Variants in KCNN3 observed in about 807,000 individuals in gnomAD.
KCNN3 encodes potassium calcium-activated channel subfamily N member 3, also known as small conductance calcium-activated potassium channel protein 3.
In KCNN3, 16 loss-of-function variants were observed where a neutral mutation model predicts 62.9. The ratio of observed to expected loss-of-function variants is 0.25; its 90% CI spans 0.17 to 0.39. KCNN3 has a LOEUF of 0.39. KCNN3 is among the 10% of genes least tolerant of loss of function. The pLI is 1.00. For synonymous variants in KCNN3, 370 were observed against 389.2 expected (o/e 0.95, Z 0.58); for missense variants, 599 against 949.4 (o/e 0.63, Z 4.85).
chr1:154,743,205 T>C (rs28588948), intron 3 of KCNN3, among the ~76,000 whole-genome samples: 1 of 148,738 alleles, frequency 6.7e-6, no homozygotes, highest in African/African-American at 2.5e-5. Context: ...TCCAGTCCCA[T>C]CCTCTTACCT....
In KCNN3 at chr1:154,870,060, C is replaced by A; in HGVS notation, c.-96G>T. ...TCAAAGAAAGCCAGGCATCCAATCT[C>A]CCCCACCAGTATCTTGGCTCCAGTC... is the stretch of plus-strand genomic sequence containing the variant. On this transcript the variant is annotated 5_prime_UTR_variant, in exon 1 of 8. Coordinates refer to ENST00000271915, the MANE Select transcript of KCNN3 (RefSeq NM_002249.6). 1 of 1,378,288 alleles carries A rather than the reference C, an allele frequency of 7.3e-7. No homozygotes were observed. Among genetic ancestry groups the A allele is most frequent in the Non-Finnish European group, 1.0e-6 (1 of 988,758 alleles). 85.4% of individuals were successfully genotyped at this position (1,378,288 alleles called of 1,614,324 possible). A position where few individuals can be genotyped will look rare whatever the true frequency, so the allele number is the denominator to read the frequency against.
intron 1 of KCNN3, among the ~76,000 whole-genome samples, chr1:154,838,751 G>A (rs1481489207): frequency 2.6e-5 from 4 of 152,178 alleles, no homozygotes; most frequent in Non-Finnish European, 5.9e-5. Flanking sequence ...AGTGCGTTGA[G>A]CATCTGCTTA....
At chr1:154,866,405 G>A (rs373270114) in intron 1 of KCNN3, among the ~76,000 whole-genome samples, 6 of 152,180 alleles carry the variant, frequency 3.9e-5, no homozygotes, top group East Asian at 1.9e-4. Context: ...CTCCCTACTC[G>A]ACAGCTGGGG....
In KCNN3 at chr1:154,703,635, T is replaced by C. The variant is rs1174133954; in HGVS notation, c.*4341A>G. On this transcript the variant is annotated 3_prime_UTR_variant, in exon 8 of 8. Coordinates refer to ENST00000271915, the MANE Select transcript of KCNN3 (RefSeq NM_002249.6). ...ACACCGTTTGTCCTGGGATGAAACA[T>C]TGATTCTTAATTTGGAGTGTACTGT... 6.6e-6 allele frequency: 1 copy of C among 152,182 alleles called. No homozygotes were observed. Among genetic ancestry groups the C allele is most frequent in the Non-Finnish European group, 1.5e-5 (1 of 68,032 alleles). 9.4% of individuals were successfully genotyped at this position (152,182 alleles called of 1,614,324 possible).
chr1:154,830,603 G>A (rs1018951787), intron 1 of KCNN3, among the ~76,000 whole-genome samples: 15 of 152,188 alleles, frequency 9.9e-5, no homozygotes, highest in African/African-American at 1.7e-4. Flanking sequence ...CAGTGGTCTC[G>A]ACACAAAACT....
At chr1:154,867,338 G>T (rs1385019009) in intron 1 of KCNN3, among the ~76,000 whole-genome samples, 1 of 152,212 alleles carries the variant, frequency 6.6e-6, no homozygotes, top group Non-Finnish European at 1.5e-5. Context: ...AACCCCACTC[G>T]CTTCTGCTCG....
chr1:154,743,235 A>G (rs1700863943), intron 3 of KCNN3, among the ~76,000 whole-genome samples: 1 of 150,772 alleles, frequency 6.6e-6, no homozygotes, highest in Non-Finnish European at 1.5e-5. Context: ...CCACCCTCTC[A>G]CCTGGATCAG....
At chr1:154,791,684 G>T (rs750536498) in intron 2 of KCNN3, among the ~76,000 whole-genome samples, 5 of 152,198 alleles carry the variant, frequency 3.3e-5, no homozygotes, top group Non-Finnish European at 7.3e-5. Context: ...ATAGCTTGAA[G>T]CCCTGTCCAA....
intron 2 of KCNN3, among the ~76,000 whole-genome samples, chr1:154,806,021 T>C (rs993172638): frequency 6.6e-6 from 1 of 152,214 alleles, no homozygotes; most frequent in Admixed American, 6.5e-5. Flanking sequence ...TGATGTGATG[T>C]GAGGCTTCCT....
chr1:154,849,523 C>T (rs889340826), intron 1 of KCNN3, among the ~76,000 whole-genome samples: 1 of 152,212 alleles, frequency 6.6e-6, no homozygotes, highest in East Asian at 1.9e-4. Flanking sequence ...ACACCACTGC[C>T]CCACTCAAGA....
chr1:154,856,967 C>T (rs74116206), intron 1 of KCNN3, among the ~76,000 whole-genome samples: 1,562 of 152,186 alleles, frequency 0.01, 25 homozygotes, highest in African/African-American at 0.033. Context: ...CGTGGGACAC[C>T]AAGTCTCAGG....
intron 5 of KCNN3, among the ~76,000 whole-genome samples, chr1:154,725,516 G>T (rs1024300814): frequency 4.0e-5 from 6 of 150,094 alleles, no homozygotes; most frequent in African/African-American, 1.5e-4. Context: ...AAACCCATAC[G>T]ACATGACCAT....
intron 1 of KCNN3, among the ~76,000 whole-genome samples, chr1:154,855,708 CTG>C (rs1180929752): frequency 1.3e-5 from 2 of 152,218 alleles, no homozygotes; most frequent in African/African-American, 4.8e-5. Context: ...CAACGCATGA[CTG>C]TATATCTGTG....
chr1:154,776,100 C>G (rs1296438189), intron 2 of KCNN3, among the ~76,000 whole-genome samples: 2 of 152,162 alleles, frequency 1.3e-5, no homozygotes, highest in Non-Finnish European at 2.9e-5. Flanking sequence ...AGGTGCCCCG[C>G]CTTGGTTGTG....
At chr1:154,756,037 AAGG>A (rs143102625) in intron 3 of KCNN3, among the ~76,000 whole-genome samples, 34,397 of 95,634 alleles carry the variant, frequency 0.36, 7,452 homozygotes, top group East Asian at 0.56. Flanking sequence ...CGATGATGAA[AAGG>A]AGGAGGAGGA....
intron 1 of KCNN3, among the ~76,000 whole-genome samples, chr1:154,838,001 G>A (rs924780145): frequency 6.6e-6 from 1 of 152,190 alleles, no homozygotes. Context: ...CCTGAATTAC[G>A]AGGGCAGGAG....
chr1:154,834,230 C>T (rs1164742092), intron 1 of KCNN3, among the ~76,000 whole-genome samples: 2 of 152,196 alleles, frequency 1.3e-5, no homozygotes, highest in Non-Finnish European at 2.9e-5. Context: ...CAATGGGGCA[C>T]GACACGAGCC....
intron 1 of KCNN3, among the ~76,000 whole-genome samples, chr1:154,861,461 C>T: frequency 6.6e-6 from 1 of 152,124 alleles, no homozygotes; most frequent in East Asian, 1.9e-4. Flanking sequence ...CCCTACATGC[C>T]CCTGTGTGCA....
Position 154,786,470 on chromosome 1 carries a change from A to G in KCNN3, c.1030-14077T>C, listed in dbSNP as rs923220440. ...TGGGGAACATTATGTAGCTGTTTTT[A>G]AAAATGAAGTGGATCTATATGTATT... On this transcript the variant is annotated intron_variant, in intron 2 of 7. Transcript: ENST00000271915. Among the ~76,000 whole-genome samples the G allele has an allele frequency of 1.1e-4, 16 of 152,378 alleles. 1 individual carries two copies. The highest frequency in any genetic ancestry group is 9.8e-4 in the Admixed American group (15 of 15,304).
Sources: allele counts gnomAD v4.1 joint callset (sites outside exome capture counted in the v4.1 genomes callset), GRCh38; gene constraint gnomAD v4.1.1; transcripts MANE v1.5; gene names NCBI Gene and HGNC (gene_info 2026-07-23, HGNC 2026-07-21).